VPS4B: variants seen among roughly 807,000 people sequenced by gnomAD.
The protein encoded by VPS4B is vacuolar protein sorting-associated protein 4B.
In VPS4B, 23 loss-of-function variants were observed where a neutral mutation model predicts 56.1. That is an observed-to-expected ratio of 0.41 (90% CI 0.30 to 0.58). VPS4B has a LOEUF of 0.58. Ranked by LOEUF, VPS4B falls within the 20% of genes least tolerant of loss-of-function variation. The pLI, the probability that VPS4B is intolerant of heterozygous loss-of-function variation, is 0.29. For missense variants in VPS4B, 372 were observed against 531.9 expected (o/e 0.70, Z 2.96); for synonymous variants, 177 against 186.0 (o/e 0.95, Z 0.39).
At position 63,405,477 on chromosome 18, in the gene VPS4B, A is replaced by G. The variant is rs184855857; in HGVS notation, c.365-1651T>C. On this transcript the variant is annotated intron_variant, in intron 4 of 10. Coordinates refer to ENST00000238497, the MANE Select transcript of VPS4B (RefSeq NM_004869.4). ...CCAGCAGCAAACCATTAAAAAGTAGAAAAAAAAGGATATTCAAATATAAAA... is the reference window on the plus strand; with the variant it reads ...CCAGCAGCAAACCATTAAAAAGTAGGAAAAAAAGGATATTCAAATATAAAA... Among the ~76,000 whole-genome samples, 1,464 of 152,126 alleles carry G rather than the reference A, an allele frequency of 9.6e-3. 30 individuals carry two copies. Among genetic ancestry groups the G allele is most frequent in the African/African-American group, 0.034 (1,393 of 41,494 alleles).
At chr18:63,396,352 AAG>A (rs1915667875) in intron 9 of VPS4B, 1 of 152,308 alleles carries the variant, frequency 6.6e-6, no homozygotes, top group African/African-American at 2.4e-5. Context: ...TCCTGGGCTC[AAG>A]AGATTCTCCC....
chr18:63,420,652 G>A (rs1334856906), intron 1 of VPS4B, among the ~76,000 whole-genome samples: 2 of 151,962 alleles, frequency 1.3e-5, no homozygotes, highest in African/African-American at 2.4e-5. Flanking sequence ...TTCCAAATAC[G>A]TTTACCAAAA....
chr18:63,405,192 A>T (rs1011362805), intron 4 of VPS4B, among the ~76,000 whole-genome samples: 1 of 152,146 alleles, frequency 6.6e-6, no homozygotes, highest in Non-Finnish European at 1.5e-5. Flanking sequence ...GGGGGATGGG[A>T]TTATGAAAAA....
At chr18:63,396,898 G>A in intron 9 of VPS4B, 136 bp downstream of exon 9, 3 of 754,682 alleles carry the variant, frequency 4.0e-6, no homozygotes, top group Non-Finnish European at 6.4e-6. Flanking sequence ...GCTAAGGCAT[G>A]AGAATTGCTT....
chr18:63,408,705 C>T (rs902331597), intron 3 of VPS4B, among the ~76,000 whole-genome samples: 4 of 152,184 alleles, frequency 2.6e-5, no homozygotes, highest in Non-Finnish European at 5.9e-5. Context: ...GTACTGTTGG[C>T]CATTTCTCCT....
At chr18:63,417,339 A>G (rs1916191056) in intron 1 of VPS4B, among the ~76,000 whole-genome samples, 1 of 152,066 alleles carries the variant, frequency 6.6e-6, no homozygotes. Flanking sequence ...AAAACGGCTC[A>G]TATCAAGGCT....
intron 10 of VPS4B, 32 bp downstream of exon 10, chr18:63,393,377 A>G: frequency 6.4e-7 from 1 of 1,556,476 alleles, no homozygotes. Flanking sequence ...ATGTTTTAAA[A>G]TATTTTCTTA....
At chr18:63,412,692 C>G (rs1568090189) in intron 1 of VPS4B, among the ~76,000 whole-genome samples, 1 of 152,090 alleles carries the variant, frequency 6.6e-6, no homozygotes, top group African/African-American at 2.4e-5. Flanking sequence ...AACTTTGATT[C>G]TTATTTATTT....
In VPS4B at chr18:63,389,662, A is replaced by C. The variant is rs1398100028; in HGVS notation, c.*1313T>G. ...GTCATGAGCTCATTTCTAAAGCTTCATAAAGCATTACACTGATAACATATG... is the reference window on the plus strand; with the variant it reads ...GTCATGAGCTCATTTCTAAAGCTTCCTAAAGCATTACACTGATAACATATG... On this transcript the variant is annotated 3_prime_UTR_variant, in exon 11 of 11. Transcript: ENST00000238497. 6.6e-6 allele frequency: 1 copy of C among 152,642 alleles called. No individual in the cohort carries two copies. Among genetic ancestry groups the C allele is most frequent in the African/African-American group, 2.4e-5 (1 of 41,456 alleles). The allele number at this position is 152,642 out of a possible 1,614,324, so 9.5% of individuals were successfully genotyped here.
At chr18:63,398,921 T>C (rs1351261315) in intron 8 of VPS4B, among the ~76,000 whole-genome samples, 2 of 152,206 alleles carry the variant, frequency 1.3e-5, no homozygotes, top group Non-Finnish European at 2.9e-5. Flanking sequence ...TGGTTTTTAC[T>C]GAATTGTCAA....
chr18:63,391,225 C>CT, intron 10 of VPS4B, 149 bp from the exon 11 acceptor site: 1 of 525,478 alleles, frequency 1.9e-6, no homozygotes, highest in Non-Finnish European at 3.3e-6. Flanking sequence ...GATAAACTCC[C>CT]TATTCTTTTT....
At chr18:63,404,499 G>A (rs957020527) in intron 4 of VPS4B, 10 of 152,122 alleles carry the variant, frequency 6.6e-5, no homozygotes, top group African/African-American at 2.4e-4. Flanking sequence ...AATTAACAAA[G>A]TTAACTTACA....
At chr18:63,419,572 CATTTT>C (rs1260619685) in intron 1 of VPS4B, among the ~76,000 whole-genome samples, 2 of 152,080 alleles carry the variant, frequency 1.3e-5, no homozygotes, top group East Asian at 3.9e-4. Flanking sequence ...TTGCCCAGTA[CATTTT>C]ATTACAATAT....
intron 9 of VPS4B, among the ~76,000 whole-genome samples, chr18:63,394,045 T>C (rs1260155031): frequency 7.9e-5 from 12 of 152,104 alleles, no homozygotes; most frequent in Non-Finnish European, 1.8e-4. Context: ...CTGCTTTTAG[T>C]TTTTTTCTTG....
intron 1 of VPS4B, among the ~76,000 whole-genome samples, chr18:63,418,188 C>G (rs553234197): frequency 2.0e-5 from 3 of 152,314 alleles, no homozygotes; most frequent in East Asian, 1.9e-4. Flanking sequence ...TCTCCTCTCC[C>G]TACATCTCAC....
chr18:63,403,990 T>C (rs533830778), intron 4 of VPS4B, among the ~76,000 whole-genome samples, 164 bp from the exon 5 acceptor site: 1 of 152,178 alleles, frequency 6.6e-6, no homozygotes. Flanking sequence ...TGTTAGGGAG[T>C]AGTCAATAGG....
chr18:63,397,078 T>A lies in VPS4B; in HGVS notation c.1048A>T (p.Met350Leu), dbSNP rs1264015297. Residue 350 changes from methionine (M) to leucine (L), a missense_variant, in exon 9 of 11, where the codon ATG (methionine) becomes TTG (leucine). By Grantham distance (15) the Met-to-Leu change is conservative. Transcript: ENST00000238497. ...DISIIVRDAL[M>L]QPVRKVQSAT... ...GACTGTACTTTCCTAACAGGCTGCATAAGGGCATCACGTACAATGATACTT... is the reference window on the plus strand; with the variant it reads ...GACTGTACTTTCCTAACAGGCTGCAAAAGGGCATCACGTACAATGATACTT... The A allele has an allele frequency of 1.2e-6, 2 of 1,614,056 alleles. No individual in the cohort carries two copies. Among genetic ancestry groups the A allele is most frequent in the East Asian group, 4.5e-5 (2 of 44,878 alleles).
At position 63,417,670 on chromosome 18, in the gene VPS4B, G is replaced by GT. The variant is rs200995526; in HGVS notation, c.27+4562dup. ...GTCTGAGCATGCATATGTTTTTTTTGTTTTTTTTTAATTTATTGGCCTCTC... is the reference window on the plus strand; with the variant it reads ...GTCTGAGCATGCATATGTTTTTTTTGTTTTTTTTTTAATTTATTGGCCTCTC... On this transcript the variant is annotated intron_variant, in intron 1 of 10. Coordinates refer to ENST00000238497, the MANE Select transcript of VPS4B (RefSeq NM_004869.4). 3.5e-3 allele frequency among the ~76,000 whole-genome samples: 530 copies of GT among 150,494 alleles called. 6 individuals carry two copies. Among genetic ancestry groups the GT allele is most frequent in the African/African-American group, 0.011 (447 of 40,938 alleles).
intron 5 of VPS4B, among the ~76,000 whole-genome samples, chr18:63,401,144 T>G (rs1054770394): frequency 7.8e-4 from 119 of 152,370 alleles, no homozygotes; most frequent in Non-Finnish European, 3.5e-4. Context: ...TTTGAATATT[T>G]ATGCTCTTTG....
Sources: allele counts gnomAD v4.1 joint callset (sites outside exome capture counted in the v4.1 genomes callset), GRCh38; gene constraint gnomAD v4.1.1; transcripts MANE v1.5; gene names NCBI Gene and HGNC (gene_info 2026-07-23, HGNC 2026-07-21).